Variants in TAFA2 observed in about 807,000 individuals in gnomAD.
The protein encoded by TAFA2 is chemokine-like protein TAFA-2.
In TAFA2, 7 loss-of-function variants were observed where a neutral mutation model predicts 18.8. The ratio of observed to expected loss-of-function variants is 0.37; its 90% confidence interval spans 0.21 to 0.70. The LOEUF (loss-of-function observed/expected upper bound fraction) is 0.70, where lower values mean the gene tolerates loss of function less well. TAFA2 is among the 30% of genes least tolerant of loss of function. The pLI, the probability that TAFA2 is intolerant of heterozygous loss-of-function variation, is 0.53. For synonymous variants in TAFA2, 60 were observed against 54.2 expected (o/e 1.11, Z -0.47); for missense variants, 122 against 158.1 (o/e 0.77, Z 1.23).
chr12:61,997,776 T>C (rs566136905), intron 1 of TAFA2, among the ~76,000 whole-genome samples: 1 of 152,194 alleles, frequency 6.6e-6, no homozygotes, highest in South Asian at 2.1e-4. Context: ...GAGGGACCTG[T>C]TAGTTCCACT....
intron 1 of TAFA2, among the ~76,000 whole-genome samples, chr12:62,166,896 T>C (rs1353094551): frequency 3.3e-5 from 5 of 152,204 alleles, no homozygotes; most frequent in African/African-American, 1.2e-4. Flanking sequence ...CTTTGATCTC[T>C]ATTCAAATCA....
intron 1 of TAFA2, among the ~76,000 whole-genome samples, chr12:62,237,492 T>C (rs1164025569): frequency 6.6e-6 from 1 of 152,248 alleles, no homozygotes; most frequent in African/African-American, 2.4e-5. Flanking sequence ...CTTTTTGATT[T>C]CTTGATCTGG....
intron 1 of TAFA2, among the ~76,000 whole-genome samples, chr12:62,116,062 G>GA (rs946905181): frequency 7.9e-5 from 12 of 151,916 alleles, no homozygotes; most frequent in African/African-American, 9.7e-5. Flanking sequence ...GTCTGTTACT[G>GA]AAAAAAAATG....
At chr12:61,910,787 C>G (rs532532706) in intron 1 of TAFA2, among the ~76,000 whole-genome samples, 49 of 152,208 alleles carry the variant, frequency 3.2e-4, no homozygotes, top group Non-Finnish European at 6.8e-4. Flanking sequence ...CAATAAATAG[C>G]CAGTCCTATT....
chr12:61,871,821 G>T (rs61942651), intron 1 of TAFA2, among the ~76,000 whole-genome samples: 2 of 152,088 alleles, frequency 1.3e-5, no homozygotes, highest in African/African-American at 2.4e-5. Context: ...GGCCAGATGC[G>T]GTTGTTCATG....
At chr12:61,791,584 T>G (rs1870982761) in intron 2 of TAFA2, among the ~76,000 whole-genome samples, 1 of 151,338 alleles carries the variant, frequency 6.6e-6, no homozygotes, top group Non-Finnish European at 1.5e-5. Context: ...CTTTAAAAAA[T>G]TAAAACATAC....
chr12:62,036,543 A>T (rs1881617117), intron 1 of TAFA2, among the ~76,000 whole-genome samples: 1 of 152,180 alleles, frequency 6.6e-6, no homozygotes, highest in South Asian at 2.1e-4. Flanking sequence ...CTTCTTGTGT[A>T]TCTGTGTTCA....
intron 1 of TAFA2, among the ~76,000 whole-genome samples, chr12:61,919,859 C>T: frequency 6.6e-6 from 1 of 152,042 alleles, no homozygotes; most frequent in Non-Finnish European, 1.5e-5. Context: ...TAGTTAATCA[C>T]TCAACCAAAA....
At chr12:61,975,037 C>T (rs1430505215) in intron 1 of TAFA2, among the ~76,000 whole-genome samples, 1 of 150,428 alleles carries the variant, frequency 6.6e-6, no homozygotes, top group Non-Finnish European at 1.5e-5. Flanking sequence ...TTTTTTTTAA[C>T]TGTATATATC....
chr12:61,982,275 A>C (rs983975227), intron 1 of TAFA2, among the ~76,000 whole-genome samples: 1 of 152,020 alleles, frequency 6.6e-6, no homozygotes, highest in Non-Finnish European at 1.5e-5. Flanking sequence ...AACATCACAC[A>C]CCAGGGCCTG....
At chr12:61,836,756 T>TATATATATACACAC (rs68158949) in intron 2 of TAFA2, among the ~76,000 whole-genome samples, 6 of 119,842 alleles carry the variant, frequency 5.0e-5, no homozygotes, top group African/African-American at 1.4e-4. Flanking sequence ...TATATATATA[T>TATATATATACACAC]ACACACACAC....
rs1424006623 is a variant in TAFA2 at position 61,969,292 on chromosome 12, TTTCTC to T, written c.-1-101871_-1-101867del. ...AACGATTGTTTTAATAATCTAAACT[TTTCTC>T]TTCCTATCCTTGAAGACTATTATTC... On this transcript the variant is annotated intron_variant, in intron 1 of 4. Transcript: ENST00000416284. Among the ~76,000 whole-genome samples the T allele has an allele frequency of 3.3e-5, 5 of 151,804 alleles. No homozygotes were observed. In the East Asian group the frequency reaches 5.8e-4, roughly 18 times the overall value.
At chr12:61,784,939 C>T (rs1307789145) in intron 2 of TAFA2, among the ~76,000 whole-genome samples, 2 of 151,480 alleles carry the variant, frequency 1.3e-5, no homozygotes, top group Non-Finnish European at 3.0e-5. Context: ...TCACCCTGGA[C>T]ATTTATCTCT....
chr12:61,952,282 A>G (rs1421092814), intron 1 of TAFA2, among the ~76,000 whole-genome samples: 1 of 152,076 alleles, frequency 6.6e-6, no homozygotes, highest in Non-Finnish European at 1.5e-5. Context: ...TTCTTTAATT[A>G]TTTTTCTCTA....
intron 2 of TAFA2, among the ~76,000 whole-genome samples, chr12:61,759,749 C>T (rs1360552217): frequency 1.3e-5 from 2 of 151,960 alleles, no homozygotes; most frequent in South Asian, 2.1e-4. Context: ...GTCATCCTAG[C>T]TTATTTGAGT....
At chr12:61,736,788 T>C (rs1386207934) in intron 4 of TAFA2, among the ~76,000 whole-genome samples, 1 of 152,006 alleles carries the variant, frequency 6.6e-6, no homozygotes, top group East Asian at 1.9e-4. Flanking sequence ...ATGTAAAGTC[T>C]TCAGGCTGTG....
chr12:61,738,329 A>ACACACACACAC (rs1555198029), intron 4 of TAFA2, among the ~76,000 whole-genome samples: 4 of 146,742 alleles, frequency 2.7e-5, no homozygotes, highest in Admixed American at 6.8e-5. Context: ...ACACACACAC[A>ACACACACACAC]AACCTAGCTC....
chr12:61,724,252 T>C (rs1367514624), intron 4 of TAFA2, among the ~76,000 whole-genome samples: 1 of 152,100 alleles, frequency 6.6e-6, no homozygotes, highest in East Asian at 1.9e-4. Context: ...TTCCCCCTCA[T>C]AATAGTTTCT....
At chr12:62,235,088 C>T (rs1393522243) in intron 1 of TAFA2, 4 of 626,122 alleles carry the variant, frequency 6.4e-6, no homozygotes, top group Middle Eastern at 2.7e-4. Flanking sequence ...AGGCCCTGGC[C>T]ACCTTTGGAG....
Sources: gnomAD v4.1 joint callset for allele counts (sites outside exome capture counted in the v4.1 genomes callset) on GRCh38, gnomAD v4.1.1 for gene constraint, MANE v1.5 for transcripts, NCBI Gene and HGNC (gene_info 2026-07-23, HGNC 2026-07-21) for gene names.